The following PTPRD variants were observed in gnomAD, a reference collection of about 807,000 sequenced individuals.
PTPRD encodes receptor-type tyrosine-protein phosphatase delta.
PTPRD carries 34 observed loss-of-function variants against 214.5 expected under a neutral mutation model. That is an observed-to-expected ratio of 0.16 (90% confidence interval 0.12 to 0.21). PTPRD has a LOEUF of 0.21. PTPRD is among the 10% of genes least tolerant of loss of function. The pLI is 1.00. For synonymous variants in PTPRD, 1,128 were observed against 845.7 expected (o/e 1.33, Z -5.79); for missense variants, 2,545 against 2,398.7 (o/e 1.06, Z -1.27).
At chr9:9,750,345 T>C (rs979304111) in intron 6 of PTPRD, among the ~76,000 whole-genome samples, 1 of 152,156 alleles carries the variant, frequency 6.6e-6, no homozygotes, top group East Asian at 1.9e-4. Context: ...GAGCTGGAAA[T>C]AGAGATTAAA....
chr9:9,583,592 A>T (rs1291787800), intron 7 of PTPRD, among the ~76,000 whole-genome samples: 1 of 152,098 alleles, frequency 6.6e-6, no homozygotes, highest in Non-Finnish European at 1.5e-5. Context: ...TTTAAGAAGA[A>T]ATTAAAATTA....
Position 9,747,471 on chromosome 9 carries a change from A to G in PTPRD, c.-325-12900T>C, listed in dbSNP as rs372723570. On this transcript the variant is annotated intron_variant, in intron 6 of 45. Coordinates refer to ENST00000381196, the MANE Select transcript of PTPRD (RefSeq NM_002839.4). ...TTACAAAACTGGGGCTGAAAATTAAATTGCTTTGAATATACTATTTGGGGA... is the reference window on the plus strand; with the variant it reads ...TTACAAAACTGGGGCTGAAAATTAAGTTGCTTTGAATATACTATTTGGGGA... Among the ~76,000 whole-genome samples the G allele has an allele frequency of 3.9e-4, 60 of 152,068 alleles. No individual in the cohort carries two copies. In the East Asian group the frequency reaches 9.9e-3, roughly 25 times the overall value.
chr9:9,619,065 G>A (rs188864438), intron 7 of PTPRD, among the ~76,000 whole-genome samples: 27 of 152,264 alleles, frequency 1.8e-4, no homozygotes, highest in African/African-American at 6.5e-4. Context: ...TTTTGCTTTA[G>A]CAATGTAGAG....
At chr9:8,989,058 C>T (rs1389838030) in intron 11 of PTPRD, among the ~76,000 whole-genome samples, 1 of 151,978 alleles carries the variant, frequency 6.6e-6, no homozygotes, top group Non-Finnish European at 1.5e-5. Context: ...CTCAGGATTT[C>T]AACTACCTAT....
At chr9:10,307,092 C>A (rs1173439029) in intron 3 of PTPRD, among the ~76,000 whole-genome samples, 1 of 152,032 alleles carries the variant, frequency 6.6e-6, no homozygotes, top group South Asian at 2.1e-4. Context: ...GTTCTTTATT[C>A]TATCTAATTT....
At chr9:8,829,519 G>C (rs1003020536) in intron 11 of PTPRD, among the ~76,000 whole-genome samples, 1 of 152,040 alleles carries the variant, frequency 6.6e-6, no homozygotes, top group African/African-American at 2.4e-5. Context: ...GACTTTTTTG[G>C]AAGGTTATTA....
At chr9:8,722,370 ACT>A (rs2098509957) in intron 12 of PTPRD, among the ~76,000 whole-genome samples, 1 of 152,196 alleles carries the variant, frequency 6.6e-6, no homozygotes, top group African/African-American at 2.4e-5. Flanking sequence ...AAATCTGGTT[ACT>A]AACACCATGT....
chr9:9,198,695 T>A (rs906770306), intron 9 of PTPRD, among the ~76,000 whole-genome samples: 2 of 152,184 alleles, frequency 1.3e-5, no homozygotes, highest in Non-Finnish European at 2.9e-5. Flanking sequence ...TTCTCACATG[T>A]TCTAAAATAA....
At chr9:8,562,517 A>G (rs1045944990) in intron 14 of PTPRD, among the ~76,000 whole-genome samples, 1 of 152,000 alleles carries the variant, frequency 6.6e-6, no homozygotes, top group Non-Finnish European at 1.5e-5. Flanking sequence ...GCTCCCTGCA[A>G]CCTCGAACTC....
At chr9:8,647,474 T>G (rs905791584) in intron 12 of PTPRD, among the ~76,000 whole-genome samples, 3 of 152,182 alleles carry the variant, frequency 2.0e-5, no homozygotes, top group Admixed American at 1.3e-4. Context: ...ATATCTTTTA[T>G]GACCACAAAT....
chr9:9,581,506 T>C (rs185883886), intron 7 of PTPRD, among the ~76,000 whole-genome samples: 4 of 152,258 alleles, frequency 2.6e-5, no homozygotes, highest in African/African-American at 9.6e-5. Context: ...CCTATTATAA[T>C]TGTAGGCAAC....
At chr9:9,561,103 T>C (rs1161020203) in intron 8 of PTPRD, among the ~76,000 whole-genome samples, 2 of 152,048 alleles carry the variant, frequency 1.3e-5, no homozygotes, top group Non-Finnish European at 2.9e-5. Context: ...TCACAGACAA[T>C]AGTGTTGTAG....
In PTPRD at chr9:10,442,091, A is replaced by T. The variant is rs893006692; in HGVS notation, c.-599-101074T>A. Among the ~76,000 whole-genome samples, 15 of 151,706 alleles carry T rather than the reference A, an allele frequency of 9.9e-5. No individual in the cohort carries two copies. The South Asian group carries it at 1.2e-3, about 13-fold the overall frequency. Reference sequence around the variant, plus strand: ...AGCTGATTCTCTCATAAAATTCTACAAATCTAGTTCTTGAGCTTAGTCAAA... The same window carrying T: ...AGCTGATTCTCTCATAAAATTCTACTAATCTAGTTCTTGAGCTTAGTCAAA... On this transcript the variant is annotated intron_variant, in intron 2 of 45. Coordinates refer to ENST00000381196, the MANE Select transcript of PTPRD (RefSeq NM_002839.4).
At chr9:9,905,311 A>G (rs1039878266) in intron 5 of PTPRD, among the ~76,000 whole-genome samples, 2 of 151,952 alleles carry the variant, frequency 1.3e-5, no homozygotes, top group Non-Finnish European at 2.9e-5. Context: ...TCAGAATTAT[A>G]TTTCAGGTAG....
chr9:10,146,649 T>C (rs2099024649), intron 3 of PTPRD, among the ~76,000 whole-genome samples: 1 of 152,196 alleles, frequency 6.6e-6, no homozygotes, highest in African/African-American at 2.4e-5. Flanking sequence ...TATTTAGAGT[T>C]AAACTTATTT....
intron 7 of PTPRD, among the ~76,000 whole-genome samples, chr9:9,700,528 G>A (rs2097477602): frequency 6.6e-6 from 1 of 152,006 alleles, no homozygotes; most frequent in Non-Finnish European, 1.5e-5. Flanking sequence ...TGTTTGTAGA[G>A]AAATGAGATA....
chr9:10,079,040 A>T (rs1195724683), intron 3 of PTPRD, among the ~76,000 whole-genome samples: 2 of 151,998 alleles, frequency 1.3e-5, no homozygotes, highest in African/African-American at 2.4e-5. Context: ...TTATGTGCAC[A>T]TAACTTTCAG....
chr9:8,632,139 G>C lies in PTPRD; in HGVS notation c.352+1178C>G, dbSNP rs1239893387. ...TGCTTCTTTGTGTGTGTGTGTGTGT[G>C]TGTGTGTGTCTGTGTGTGTGTGTGT... On this transcript the variant is annotated intron_variant, in intron 14 of 45. Transcript: ENST00000381196. Among the ~76,000 whole-genome samples the C allele has an allele frequency of 2.7e-5, 4 of 146,392 alleles. No homozygotes were observed. The South Asian group carries it at 8.5e-4, about 31-fold the overall frequency.
chr9:9,235,655 G>A (rs1025273481), intron 9 of PTPRD, among the ~76,000 whole-genome samples: 10 of 152,096 alleles, frequency 6.6e-5, no homozygotes, highest in African/African-American at 2.4e-4. Context: ...ACATACTGGT[G>A]TTATTCTCAG....
Sources: gnomAD v4.1 joint callset for allele counts (sites outside exome capture counted in the v4.1 genomes callset) on GRCh38, gnomAD v4.1.1 for gene constraint, MANE v1.5 for transcripts, NCBI Gene and HGNC (gene_info 2026-07-23, HGNC 2026-07-21) for gene names.